The following C1QL1 variants were observed in gnomAD, a reference collection of about 807,000 sequenced individuals.
C1QL1 encodes the protein complement C1q like 1, also known as C1q-related factor.
In C1QL1, 15 loss-of-function variants were observed where a neutral mutation model predicts 14.2. The observed-to-expected ratio is 1.06, with a 90% CI of 0.71 to 1.62. The LOEUF (loss-of-function observed/expected upper bound fraction) is 1.62. Among genes scored for constraint, C1QL1 ranks in the 40% most tolerant of loss-of-function variants. The probability of loss-of-function intolerance (pLI) is 0.00; values close to 1 mark genes in which losing one functional copy is unlikely to be tolerated. For missense variants in C1QL1, 346 were observed against 380.3 expected (o/e 0.91, Z 0.75); for synonymous variants, 172 against 172.4 (o/e 1.00, Z 0.02).
Position 44,960,089 on chromosome 17 carries a change from C to G in C1QL1, c.*99G>C, listed in dbSNP as rs970804417. 1 of 1,102,962 alleles carries G rather than the reference C, an allele frequency of 9.1e-7. No homozygotes were observed. The highest frequency in any genetic ancestry group is 1.4e-6 in the Non-Finnish European group (1 of 733,698). 68.3% of individuals were successfully genotyped at this position (1,102,962 alleles called of 1,614,324 possible). A position where few individuals can be genotyped will look rare whatever the true frequency, so the allele number is the denominator to read the frequency against. On this transcript the variant is annotated 3_prime_UTR_variant, in exon 2 of 2. Coordinates refer to ENST00000253407, the MANE Select transcript of C1QL1 (RefSeq NM_006688.5). ...CGGGGGCGTCATAGCCGGGGAGGGCCGGGCAGCGAGCGGGTGGGCGAGGGG... is the reference window on the plus strand; with the variant it reads ...CGGGGGCGTCATAGCCGGGGAGGGCGGGGCAGCGAGCGGGTGGGCGAGGGG...
In C1QL1 at chr17:44,967,977, C is replaced by T; in HGVS notation, c.72G>A (p.Met24Ile). The T allele has an allele frequency of 7.3e-7, 1 of 1,371,132 alleles. No homozygotes were observed. Among genetic ancestry groups the T allele is most frequent in the Non-Finnish European group, 9.4e-7 (1 of 1,060,376 alleles). The allele number at this position is 1,371,132 out of a possible 1,614,324, so 84.9% of individuals were successfully genotyped here. A position where few individuals can be genotyped will look rare whatever the true frequency, so the allele number is the denominator to read the frequency against. Residue 24 changes from methionine (M) to isoleucine (I), a missense_variant, in exon 1 of 2, where the codon ATG becomes ATA. Physicochemically the swap from Met to Ile is conservative, Grantham distance 10 (BLOSUM62 1). Coordinates refer to ENST00000253407, the MANE Select transcript of C1QL1 (RefSeq NM_006688.5). The surrounding 1 kb of genome is among the most constrained non-coding windows in gnomAD (Gnocchi z 7.0). The part of the protein sequence containing the change: ...SSGGPEGHYE[M>I]LGTCRMVCDP... ...CGCACACCATGCGGCAGGTGCCCAG[C>T]ATCTCATAGTGGCCTTCCGGGCCGC...
chr17:44,967,810 G>A lies in C1QL1; in HGVS notation c.239C>T (p.Pro80Leu), dbSNP rs2052666112. The change falls in exon 1 of 2, where the codon CCT becomes CTT. Residue 80 changes from proline (P) to leucine (L), a missense_variant. Physicochemically the swap from Pro to Leu is moderately conservative, Grantham distance 98. Transcript: ENST00000253407. The surrounding 1 kb of genome is among the most constrained non-coding windows in gnomAD (Gnocchi z 7.0). Reference protein sequence around the residue: ...GKPGRTGKPGPPGPPGDPGPP... With the variant: ...GKPGRTGKPGLPGPPGDPGPP... ...ACCTGGGTCCCCGGGAGGCCCCGGA[G>A]GGCCGGGCTTGCCGGTGCGGCCCGG... The A allele has an allele frequency of 1.4e-6, 2 of 1,421,948 alleles. No homozygotes were observed. Among genetic ancestry groups the A allele is most frequent in the African/African-American group, 1.5e-5 (1 of 65,636 alleles). The allele number at this position is 1,421,948 out of a possible 1,614,324, so 88.1% of individuals were successfully genotyped here. A position where few individuals can be genotyped will look rare whatever the true frequency, so the allele number is the denominator to read the frequency against.
intron 1 of C1QL1, among the ~76,000 whole-genome samples, chr17:44,966,272 CCT>C (rs1476018691): frequency 6.6e-6 from 1 of 152,240 alleles, no homozygotes; most frequent in African/African-American, 2.4e-5. Flanking sequence ...CCTGCCTGCC[CCT>C]GTCTCTGCCC....
chr17:44,963,060 T>C (rs965931347), intron 1 of C1QL1, among the ~76,000 whole-genome samples: 2 of 151,684 alleles, frequency 1.3e-5, no homozygotes, highest in African/African-American at 4.8e-5. Flanking sequence ...TGTGGGGAAA[T>C]GAGGTTGCCA....
Position 44,967,710 on chromosome 17 carries a change from C to A in C1QL1, c.339G>T (p.Ala113=), listed in dbSNP as rs1161860075. 6.2e-7 allele frequency: 1 copy of A among 1,610,240 alleles called. No homozygotes were observed. The highest frequency in any genetic ancestry group is 8.5e-7 in the Non-Finnish European group (1 of 1,179,066). ...GKPGPPGLPG[A]GGSGAISTAT... ...CAGTGCTGATGGCGCCGCTGCCCCC[C>A]GCGCCCGGCAGCCCCGGAGGGCCCG... The change falls in exon 1 of 2, where the codon GCG becomes GCT. Residue 113 remains alanine, a synonymous_variant. Transcript: ENST00000253407. The surrounding 1 kb of genome is among the most constrained non-coding windows in gnomAD (Gnocchi z 7.0).
At chr17:44,961,759 G>A (rs7217029) in intron 1 of C1QL1, among the ~76,000 whole-genome samples, 5,491 of 151,272 alleles carry the variant, frequency 0.036, 135 homozygotes, top group African/African-American at 0.068. Flanking sequence ...GGTGGCGGGC[G>A]CCTGTAGTCC....
At position 44,959,891 on chromosome 17, in the gene C1QL1, G is replaced by A; in HGVS notation, c.*297C>T. ...GCGACCTCTCCCCAGGCTGGGGTGG[G>A]CTGGCAGGCGGAGGTGGGCAGTAAA... is the stretch of plus-strand genomic sequence containing the variant. On this transcript the variant is annotated 3_prime_UTR_variant, in exon 2 of 2. Coordinates refer to ENST00000253407, the MANE Select transcript of C1QL1 (RefSeq NM_006688.5). 1 of 292,902 alleles carries A rather than the reference G, an allele frequency of 3.4e-6. No homozygotes were observed. The highest frequency in any genetic ancestry group is 6.3e-6 in the Non-Finnish European group (1 of 158,576). The allele number at this position is 292,902 out of a possible 1,614,324, so 18.1% of individuals were successfully genotyped here. A position where few individuals can be genotyped will look rare whatever the true frequency, so the allele number is the denominator to read the frequency against.
chr17:44,967,607 A>G lies in C1QL1; in HGVS notation c.442T>C (p.Phe148Leu). The change falls in exon 1 of 2, where the codon TTT becomes CTT. Residue 148 changes from phenylalanine (F) to leucine (L), a missense_variant. Coordinates refer to ENST00000253407, the MANE Select transcript of C1QL1 (RefSeq NM_006688.5). This position sits in a 1 kb window ranked among gnomAD's most constrained non-coding sequence, Gnocchi z 7.0. ...NPHEGYEVLK[F>L]DDVVTNLGNN... ...CCTAGGTTGGTGACCACGTCGTCAA[A>G]CTTGAGTACCTCGTAACCCTCGTGG... 1 of 1,614,022 alleles carries G rather than the reference A, an allele frequency of 6.2e-7. No homozygotes were observed. Among genetic ancestry groups the G allele is most frequent in the Non-Finnish European group, 8.5e-7 (1 of 1,179,926 alleles).
At chr17:44,963,485 C>G (rs1246152818) in intron 1 of C1QL1, among the ~76,000 whole-genome samples, 1 of 152,018 alleles carries the variant, frequency 6.6e-6, no homozygotes, top group African/African-American at 2.4e-5. Context: ...TGCAGTGGTG[C>G]GATCTTGGCT....
At chr17:44,960,659 C>A (rs1029659504) in intron 1 of C1QL1, among the ~76,000 whole-genome samples, 13 of 152,236 alleles carry the variant, frequency 8.5e-5, no homozygotes, top group Non-Finnish European at 1.9e-4. Context: ...CTCCAGCTGG[C>A]TGAGAACCTC....
At chr17:44,961,787 G>C (rs1201009818) in intron 1 of C1QL1, among the ~76,000 whole-genome samples, 1 of 151,206 alleles carries the variant, frequency 6.6e-6, no homozygotes, top group Non-Finnish European at 1.5e-5. Flanking sequence ...TGGGGAGGCT[G>C]AGGCAGGAGA....
chr17:44,961,910 A>AAAAG (rs1555585742), intron 1 of C1QL1, among the ~76,000 whole-genome samples: 15 of 129,748 alleles, frequency 1.2e-4, no homozygotes, highest in African/African-American at 3.2e-4. Context: ...AAAAAAAAAA[A>AAAAG]AGAGAGAGAG....
At chr17:44,965,686 C>T (rs569523975) in intron 1 of C1QL1, among the ~76,000 whole-genome samples, 6 of 152,330 alleles carry the variant, frequency 3.9e-5, no homozygotes, top group South Asian at 2.1e-4. Flanking sequence ...ATAGCATCTC[C>T]GGGGCCTCTT....
rs2052661550 is a variant in C1QL1 at position 44,967,230 on chromosome 17, C to G, written c.597+222G>C. Among the ~76,000 whole-genome samples the G allele has an allele frequency of 2.0e-5, 3 of 152,242 alleles. No individual in the cohort carries two copies. In the South Asian group the frequency reaches 6.2e-4, roughly 32 times the overall value. ...TTTCCAGTAGCGTTCCAGACGGTGC[C>G]CAGCAGCGTCTGTCTTGGAGCGGGA... is the stretch of plus-strand genomic sequence containing the variant. On this transcript the variant is annotated intron_variant, in intron 1 of 1. Coordinates refer to ENST00000253407, the MANE Select transcript of C1QL1 (RefSeq NM_006688.5). The surrounding 1 kb of genome is among the most constrained non-coding windows in gnomAD (Gnocchi z 7.0).
chr17:44,962,795 A>G (rs949327653), intron 1 of C1QL1, among the ~76,000 whole-genome samples: 7 of 152,250 alleles, frequency 4.6e-5, no homozygotes, highest in African/African-American at 1.7e-4. Context: ...AGCCAAATCC[A>G]TTGGAACAGA....
rs1233983321 is a variant in C1QL1, at chr17:44,967,116, C to T, written c.597+336G>A. On this transcript the variant is annotated intron_variant, in intron 1 of 1. Transcript: ENST00000253407. The surrounding 1 kb of genome is among the most constrained non-coding windows in gnomAD (Gnocchi z 7.0). The stretch of plus-strand genomic sequence containing the variant: ...CCCTTATCGCCCACTGCTGTCGGCC[C>T]GAATCCACTTCCCAAGGGGCAAGCC... 6.6e-6 allele frequency among the ~76,000 whole-genome samples: 1 copy of T among 152,254 alleles called. No individual in the cohort carries two copies. Among genetic ancestry groups the T allele is most frequent in the Non-Finnish European group, 1.5e-5 (1 of 68,046 alleles).
Position 44,967,484 on chromosome 17 carries a change from T to A in C1QL1, c.565A>T (p.Ser189Cys), listed in dbSNP as rs1029099287. ...HVLMRGGDGTSMWADLCKNGQ... is the reference protein window; with the variant it reads ...HVLMRGGDGTCMWADLCKNGQ... ...TTCTTGCAGAGGTCTGCCCACATAC[T>A]GGTGCCGTCGCCGCCGCGCATGAGG... The change falls in exon 1 of 2, where the codon AGT (serine) becomes TGT (cysteine). Residue 189 changes from serine to cysteine, a missense_variant. Physicochemically the swap from Ser to Cys is moderately radical, Grantham distance 112. Coordinates refer to ENST00000253407, the MANE Select transcript of C1QL1 (RefSeq NM_006688.5). This position sits in a 1 kb window ranked among gnomAD's most constrained non-coding sequence, Gnocchi z 7.0. The A allele has an allele frequency of 6.2e-7, 1 of 1,613,920 alleles. No homozygotes were observed. The highest frequency in any genetic ancestry group is 1.7e-5 in the Admixed American group (1 of 60,016).
At chr17:44,963,791 C>A (rs1292650250) in intron 1 of C1QL1, among the ~76,000 whole-genome samples, 1 of 152,166 alleles carries the variant, frequency 6.6e-6, no homozygotes, top group East Asian at 1.9e-4. Flanking sequence ...CACTCAGATT[C>A]TGTTGTCAAA....
Position 44,968,064 on chromosome 17 carries a change from G to T in C1QL1, c.-16C>A, listed in dbSNP as rs778143074. On this transcript the variant is annotated 5_prime_UTR_variant, in exon 1 of 2. Transcript: ENST00000253407. ...CCAGCAGCATCACCACACCCGCGGC[G>T]GCCGCTAGCAGCGTCTTTCGGCCCG... 1.2e-5 allele frequency: 16 copies of T among 1,298,784 alleles called. No homozygotes were observed. The highest frequency in any genetic ancestry group is 1.5e-5 in the African/African-American group (1 of 64,714). 80.5% of individuals were successfully genotyped at this position (1,298,784 alleles called of 1,614,324 possible). A position where few individuals can be genotyped will look rare whatever the true frequency, so the allele number is the denominator to read the frequency against.
Sources: allele counts gnomAD v4.1 joint callset (sites outside exome capture counted in the v4.1 genomes callset), GRCh38; gene constraint gnomAD v4.1.1; non-coding constraint Gnocchi (gnomAD v3.1); transcripts MANE v1.5; gene names NCBI Gene and HGNC (gene_info 2026-07-23, HGNC 2026-07-21).